PUDP: variants seen among roughly 807,000 people sequenced by gnomAD.
The protein encoded by PUDP is pseudouridine 5'-phosphatase, also known as pseudouridine-5'-phosphatase.
In PUDP, 8 loss-of-function variants were observed where a neutral mutation model predicts 9.4. The observed-to-expected ratio is 0.85, with a 90% CI of 0.50 to 1.53. The LOEUF is 1.53. Ranked by LOEUF, PUDP falls within the 40% of genes most tolerant of loss-of-function variation. The pLI is 0.00. For synonymous variants in PUDP, 99 were observed against 80.7 expected, an observed-to-expected ratio of 1.23 and a Z score of -1.22; for missense variants, 188 against 189.7, an observed-to-expected ratio of 0.99 and a Z score of 0.05.
At chrX:6,852,772 T>C (rs1485154939) in intron 3 of PUDP, among the ~76,000 whole-genome samples, 6 of 111,976 alleles carry the variant, frequency 5.4e-5, no homozygotes, top group African/African-American at 1.9e-4. Context: ...TGTACCACAA[T>C]GTAGCAGTCT....
chrX:6,948,483 A>G (rs1280936485), intron 3 of PUDP, among the ~76,000 whole-genome samples: 1 of 111,647 alleles, frequency 9.0e-6, no homozygotes, highest in East Asian at 2.8e-4. Flanking sequence ...GAGCTTTTTA[A>G]ACATTAATGT....
At chrX:6,802,974 AAAT>A (rs202141272) in intron 3 of PUDP, among the ~76,000 whole-genome samples, 58 of 4,156 alleles carry the variant, frequency 0.014, no homozygotes, top group Admixed American at 0.047. Flanking sequence ...AATAAAATAA[AAAT>A]ATAAAATAAA....
intron 1 of PUDP, among the ~76,000 whole-genome samples, chrX:7,116,805 A>G (rs1932206497): frequency 9.0e-6 from 1 of 111,586 alleles, no homozygotes; most frequent in South Asian, 3.8e-4. Context: ...TATACTGATC[A>G]TGGGGGCAGA....
chrX:7,014,636 T>C (rs775016071), intron 1 of PUDP, among the ~76,000 whole-genome samples: 1 of 112,064 alleles, frequency 8.9e-6, no homozygotes, highest in African/African-American at 3.3e-5. Context: ...TCAGTAACTT[T>C]ATGTATTCAA....
At chrX:7,122,978 T>C (rs1341456658) in intron 1 of PUDP, among the ~76,000 whole-genome samples, 1 of 112,330 alleles carries the variant, frequency 8.9e-6, no homozygotes, top group Non-Finnish European at 1.9e-5. Flanking sequence ...CACTTAAAAA[T>C]GGAACATTTT....
intron 3 of PUDP, among the ~76,000 whole-genome samples, chrX:6,876,380 T>C (rs1360356594): frequency 9.0e-6 from 1 of 111,404 alleles, no homozygotes; most frequent in African/African-American, 3.3e-5. Context: ...TAGCAGGCTG[T>C]AATTCCATCA....
At chrX:6,938,671 C>A (rs753729536) in intron 3 of PUDP, among the ~76,000 whole-genome samples, 1 of 108,521 alleles carries the variant, frequency 9.2e-6, no homozygotes, top group East Asian at 2.9e-4. Context: ...AAAGTGAGGA[C>A]TAAATCTCAC....
chrX:7,016,389 CTG>C (rs1291010561), intron 1 of PUDP, among the ~76,000 whole-genome samples: 2 of 110,870 alleles, frequency 1.8e-5, no homozygotes, highest in East Asian at 5.7e-4. Context: ...AACTATCAAA[CTG>C]TGACTCCCAC....
intron 3 of PUDP, among the ~76,000 whole-genome samples, chrX:6,969,263 C>T (rs1048995249): frequency 1.1e-4 from 12 of 112,046 alleles, no homozygotes; most frequent in African/African-American, 1.6e-4. Flanking sequence ...AGTCATGGGC[C>T]GGCATTTCAT....
intron 3 of PUDP, among the ~76,000 whole-genome samples, chrX:7,074,597 C>T (rs1207059824): frequency 8.9e-6 from 1 of 112,258 alleles, no homozygotes; most frequent in Non-Finnish European, 1.9e-5. Flanking sequence ...GCTTCTGGGA[C>T]ATGGTTATGG....
chrX:7,078,555 A>AGTACTG (rs1930986049), intron 2 of PUDP, among the ~76,000 whole-genome samples: 1 of 112,487 alleles, frequency 8.9e-6, no homozygotes, highest in Admixed American at 9.4e-5. Flanking sequence ...AGCCTCTCAA[A>AGTACTG]GTACTGGGAT....
chrX:6,809,932 G>C (rs760635908), intron 3 of PUDP, among the ~76,000 whole-genome samples: 1 of 110,536 alleles, frequency 9.0e-6, no homozygotes, highest in Admixed American at 9.7e-5. Flanking sequence ...TAATTAGCCA[G>C]GCATGAGTTT....
chrX:6,716,639 A>ATTT (rs11427076), intron 1 of PUDP, among the ~76,000 whole-genome samples: 97 of 104,041 alleles, frequency 9.3e-4, no homozygotes, highest in Non-Finnish European at 1.4e-3. Context: ...GTATGTATGT[A>ATTT]TTTTTTTTTT....
intron 3 of PUDP, among the ~76,000 whole-genome samples, chrX:6,831,894 A>G (rs1175845702): frequency 8.9e-6 from 1 of 112,082 alleles, no homozygotes; most frequent in East Asian, 2.8e-4. Context: ...AAACAAAGGA[A>G]CTAGCAAGGC....
chrX:6,807,954 A>C (rs891506981), intron 3 of PUDP, among the ~76,000 whole-genome samples: 7 of 112,141 alleles, frequency 6.2e-5, no homozygotes, highest in Non-Finnish European at 1.3e-4. Context: ...AAATATGTTC[A>C]TGGAGTGAAT....
At chrX:6,726,202 T>G (rs750187879), upstream of PUDP, among the ~76,000 whole-genome samples, 2 of 111,595 alleles carry the variant, frequency 1.8e-5, no homozygotes, top group East Asian at 5.7e-4. Context: ...GGCATGGCCG[T>G]GTGTCCCAAC....
chrX:6,884,805 A>G (rs12689738), intron 3 of PUDP, among the ~76,000 whole-genome samples: 12,661 of 112,096 alleles, frequency 0.11, 765 homozygotes, highest in East Asian at 0.46. Flanking sequence ...TAAATATCCA[A>G]TATTGGTTTC....
upstream of PUDP, among the ~76,000 whole-genome samples, chrX:6,724,776 G>T (rs919778371): frequency 1.8e-5 from 2 of 111,313 alleles, no homozygotes; most frequent in Non-Finnish European, 3.8e-5. Context: ...AGAAATATTT[G>T]TAAGAGTGAG....
intron 3 of PUDP, among the ~76,000 whole-genome samples, chrX:6,867,934 T>A (rs1179492187): frequency 9.0e-6 from 1 of 111,724 alleles, no homozygotes; most frequent in Non-Finnish European, 1.9e-5. Context: ...AGGATGAAGC[T>A]TGCTTTATAA....
Sources: allele counts gnomAD v4.1 joint callset (sites outside exome capture counted in the v4.1 genomes callset), GRCh38; gene constraint gnomAD v4.1.1; transcripts MANE v1.5; gene names NCBI Gene and HGNC (gene_info 2026-07-23, HGNC 2026-07-21).